DLGAP1: variants seen among roughly 807,000 people sequenced by gnomAD.
DLGAP1 encodes the protein DLG associated protein 1, also known as disks large-associated protein 1.
A neutral mutation model predicts 90.8 loss-of-function variants in DLGAP1; 11 were observed. That is an observed-to-expected ratio of 0.12 (90% CI 0.08 to 0.20). The LOEUF is 0.20. Ranked by LOEUF, DLGAP1 falls within the 10% of genes least tolerant of loss-of-function variation. The probability of loss-of-function intolerance (pLI) is 1.00; values close to 1 mark genes in which losing one functional copy is unlikely to be tolerated. For missense variants in DLGAP1, 1,050 were observed against 1,333.8 expected, an observed-to-expected ratio of 0.79 and a Z score of 3.31; for synonymous variants, 558 against 540.7, an observed-to-expected ratio of 1.03 and a Z score of -0.44.
chr18:4,169,850 G>A (rs1466591327), intron 1 of DLGAP1, among the ~76,000 whole-genome samples: 1 of 152,198 alleles, frequency 6.6e-6, no homozygotes, highest in African/African-American at 2.4e-5. Context: ...CTCAGGTAAA[G>A]AAAGCATGAG....
chr18:3,643,989 A>T (rs1216414188), intron 7 of DLGAP1, among the ~76,000 whole-genome samples: 2 of 152,220 alleles, frequency 1.3e-5, no homozygotes, highest in African/African-American at 2.4e-5. Flanking sequence ...CCTACCAGAA[A>T]CACACACAAA....
At chr18:3,683,678 G>A (rs2060600624) in intron 7 of DLGAP1, among the ~76,000 whole-genome samples, 1 of 152,022 alleles carries the variant, frequency 6.6e-6, no homozygotes, top group South Asian at 2.1e-4. Flanking sequence ...GAGAGGAAAT[G>A]AGGCATTAAG....
At chr18:3,976,191 C>CAATAAT (rs71160926) in intron 3 of DLGAP1, among the ~76,000 whole-genome samples, 43,879 of 132,390 alleles carry the variant, frequency 0.33, 7,889 homozygotes, top group Middle Eastern at 0.44. Context: ...ACTAAAAATA[C>CAATAAT]AATAATAATA....
rs1007245575 is a variant in DLGAP1 at position 3,566,647 on chromosome 18, C to T, written c.2057+843G>A. Among the ~76,000 whole-genome samples the T allele has an allele frequency of 2.0e-5, 3 of 152,166 alleles. No individual in the cohort carries two copies. The South Asian group carries it at 6.2e-4, about 32-fold the overall frequency. On this transcript the variant is annotated intron_variant, in intron 9 of 12. Transcript: ENST00000315677. ...AATGGAAGGATGGATAGGTGACATTCAAATGATTCTTCCTAATTAACACAC... is the reference window on the plus strand; with the variant it reads ...AATGGAAGGATGGATAGGTGACATTTAAATGATTCTTCCTAATTAACACAC...
At chr18:4,402,876 C>A (rs2082585331) in intron 1 of DLGAP1, among the ~76,000 whole-genome samples, 1 of 152,218 alleles carries the variant, frequency 6.6e-6, no homozygotes, top group Admixed American at 6.5e-5. Flanking sequence ...TCAAGCCAGC[C>A]TTAATGGAGA....
chr18:4,301,605 G>A (rs1050155350), intron 1 of DLGAP1, among the ~76,000 whole-genome samples: 7 of 152,122 alleles, frequency 4.6e-5, no homozygotes, highest in Admixed American at 4.6e-4. Context: ...CAGTGAACAC[G>A]GATATGCAGA....
intron 3 of DLGAP1, among the ~76,000 whole-genome samples, chr18:3,973,874 G>C (rs1440326461): frequency 6.6e-6 from 1 of 152,092 alleles, no homozygotes; most frequent in African/African-American, 2.4e-5. Flanking sequence ...TGTTGTCCTT[G>C]TGTGAATGCA....
At chr18:3,521,275 T>C (rs887627174) in intron 10 of DLGAP1, among the ~76,000 whole-genome samples, 11 of 152,144 alleles carry the variant, frequency 7.2e-5, no homozygotes, top group African/African-American at 2.4e-4. Flanking sequence ...ATCTTGGAGA[T>C]TGGGTTTCAT....
chr18:4,236,744 G>A (rs1044484880), intron 1 of DLGAP1, among the ~76,000 whole-genome samples: 2 of 151,286 alleles, frequency 1.3e-5, no homozygotes, highest in South Asian at 2.1e-4. Flanking sequence ...TAATAACTGC[G>A]CAATTGTCTT....
At chr18:3,978,772 G>C (rs2073656974) in intron 3 of DLGAP1, among the ~76,000 whole-genome samples, 1 of 152,112 alleles carries the variant, frequency 6.6e-6, no homozygotes. Flanking sequence ...TTTCCCCCTA[G>C]TTTTTTTATG....
chr18:4,195,058 C>G (rs1327158745), intron 1 of DLGAP1, among the ~76,000 whole-genome samples: 2 of 152,026 alleles, frequency 1.3e-5, no homozygotes, highest in Admixed American at 6.6e-5. Context: ...TTGTAACTTA[C>G]AAATATCATT....
intron 1 of DLGAP1, among the ~76,000 whole-genome samples, chr18:4,212,678 T>A (rs1187496827): frequency 6.6e-6 from 1 of 151,910 alleles, no homozygotes; most frequent in Non-Finnish European, 1.5e-5. Flanking sequence ...ATAGGTCCTT[T>A]ATGAAAATTA....
chr18:4,158,862 T>C (rs1225875102), intron 1 of DLGAP1, among the ~76,000 whole-genome samples: 2 of 152,188 alleles, frequency 1.3e-5, no homozygotes, highest in African/African-American at 4.8e-5. Context: ...TTTAGAGGGA[T>C]ATTAAGGTAA....
At chr18:3,698,117 G>A (rs757429385) in intron 7 of DLGAP1, among the ~76,000 whole-genome samples, 4 of 152,128 alleles carry the variant, frequency 2.6e-5, no homozygotes, top group East Asian at 1.9e-4. Flanking sequence ...ACAGCACACC[G>A]CTGGGCCTTG....
intron 3 of DLGAP1, among the ~76,000 whole-genome samples, chr18:3,976,111 C>T (rs978108982): frequency 3.3e-5 from 5 of 151,914 alleles, no homozygotes; most frequent in Non-Finnish European, 5.9e-5. Context: ...CTTTGAGAGG[C>T]TGAGGTGGTT....
chr18:3,601,944 G>GATTGCC (rs2057057085), intron 7 of DLGAP1, among the ~76,000 whole-genome samples: 1 of 152,056 alleles, frequency 6.6e-6, no homozygotes, highest in Admixed American at 6.5e-5. Context: ...GGGAAGCGGA[G>GATTGCC]ATTGCAGTGA....
At chr18:3,833,411 T>C (rs2068178992) in intron 4 of DLGAP1, among the ~76,000 whole-genome samples, 1 of 152,024 alleles carries the variant, frequency 6.6e-6, no homozygotes, top group Non-Finnish European at 1.5e-5. Context: ...TTTTTGTATT[T>C]TTGGTAGAGA....
intron 1 of DLGAP1, among the ~76,000 whole-genome samples, chr18:4,398,938 T>C (rs552872912): frequency 3.0e-4 from 46 of 152,254 alleles, no homozygotes; most frequent in Admixed American, 6.5e-4. Flanking sequence ...TCCAAGCAAT[T>C]CCCCTGCCTC....
intron 2 of DLGAP1, among the ~76,000 whole-genome samples, chr18:4,076,619 GTATTAT>G (rs2075526384): frequency 6.6e-6 from 1 of 151,664 alleles, no homozygotes; most frequent in Non-Finnish European, 1.5e-5. Flanking sequence ...TTTCTTTATA[GTATTAT>G]TATTATTATT....
Sources: allele counts gnomAD v4.1 joint callset (sites outside exome capture counted in the v4.1 genomes callset), GRCh38; gene constraint gnomAD v4.1.1; transcripts MANE v1.5; gene names NCBI Gene and HGNC (gene_info 2026-07-23, HGNC 2026-07-21).